VPS11: variants seen among roughly 807,000 people sequenced by gnomAD.
VPS11 encodes VPS11 core subunit of CORVET and HOPS complexes.
A neutral mutation model predicts 106.8 loss-of-function variants in VPS11; 51 were observed. The observed-to-expected ratio is 0.48, with a 90% CI of 0.38 to 0.60. The LOEUF is 0.60. Among genes scored for constraint, VPS11 ranks in the 20% least tolerant of loss-of-function variants. The pLI is 0.00. For missense variants in VPS11, 950 were observed against 1,190.0 expected, an observed-to-expected ratio of 0.80 and a Z score of 2.97; for synonymous variants, 453 against 458.7, an observed-to-expected ratio of 0.99 and a Z score of 0.16.
chr11:119,069,340 C>G lies in VPS11; in HGVS notation c.332C>G (p.Pro111Arg), dbSNP rs1945280863. ...SVGEDEEGIN[P>R]LVKIWNLEKR... ...GGAGAAGATGAAGAGGGCATCAACC[C>G]CTTGGTGAGTCCCAGCAGGGAAATG... Residue 111 changes from proline (P) to arginine (R), a missense_variant, in exon 2 of 16, where the codon CCC becomes CGC. By Grantham distance (103) the Pro-to-Arg change is moderately radical (BLOSUM62 -2). Transcript: ENST00000621676. 3.7e-6 allele frequency: 6 copies of G among 1,613,824 alleles called. No homozygotes were observed. The highest frequency in any genetic ancestry group is 4.2e-6 in the Non-Finnish European group (5 of 1,179,894).
chr11:119,075,542 TAAAAA>T (rs1555202802), intron 7 of VPS11, among the ~76,000 whole-genome samples: 2 of 111,632 alleles, frequency 1.8e-5, no homozygotes, highest in East Asian at 2.6e-4. Flanking sequence ...CTGTCTCCAC[TAAAAA>T]AAAAAAAAAA....
rs11558589 is a variant in VPS11, at chr11:119,079,170, G to A, written c.2308G>A (p.Val770Ile). The A allele has an allele frequency of 0.02, 31,587 of 1,613,802 alleles. 353 individuals carry two copies. The highest frequency in any genetic ancestry group is 0.025 in the South Asian group (2,240 of 91,036). Residue 770 changes from valine to isoleucine, a missense_variant, in exon 14 of 16, where the codon GTC becomes ATC. By Grantham distance (29) the Val-to-Ile change is conservative. Transcript: ENST00000621676. Reference sequence around the variant, plus strand: ...CCACAACTCCACAGCCACACTCTCCGTCATCAGGGACTACCTGGTCCAAAA... The same window carrying A: ...CCACAACTCCACAGCCACACTCTCCATCATCAGGGACTACCTGGTCCAAAA... Reference protein sequence around the residue: ...LAHNSTATLSVIRDYLVQKLQ... With the variant: ...LAHNSTATLSIIRDYLVQKLQ...
Position 119,078,665 on chromosome 11 carries a change from T to C in VPS11, c.2024T>C (p.Phe675Ser). The C allele has an allele frequency of 6.2e-7, 1 of 1,613,470 alleles. No individual in the cohort carries two copies. Among genetic ancestry groups the C allele is most frequent in the South Asian group, 1.1e-5 (1 of 91,016 alleles). The change falls in exon 12 of 16, where the codon TTC (phenylalanine) becomes TCC (serine). Residue 675 changes from phenylalanine (F) to serine (S), a missense_variant. Transcript: ENST00000621676. ...KALVLCQMHDFQDGVLYLYEQ... is the reference protein window; with the variant it reads ...KALVLCQMHDSQDGVLYLYEQ... ...CTGGTCCTGTGCCAGATGCACGACT[T>C]CCAGGATGGTGTCCTTTACCTTTAT...
chr11:119,076,690 G>C, intron 7 of VPS11: 3 of 568,230 alleles, frequency 5.3e-6, no homozygotes, highest in South Asian at 5.2e-5. Context: ...AAGAAGCAGT[G>C]CTCTGGAGCC....
At chr11:119,076,822 T>C in intron 7 of VPS11, 75 bp from the exon 8 acceptor site, 4 of 1,536,248 alleles carry the variant, frequency 2.6e-6, no homozygotes, top group Middle Eastern at 1.7e-4. Context: ...TGAGAAGATC[T>C]GCAAGTGATT....
chr11:119,076,433 G>A (rs1212084980), intron 7 of VPS11, among the ~76,000 whole-genome samples: 2 of 151,582 alleles, frequency 1.3e-5, no homozygotes, highest in Non-Finnish European at 2.9e-5. Context: ...GGCTGAGGCA[G>A]AAGAATCGCT....
intron 12 of VPS11, 32 bp from the exon 13 acceptor site, chr11:119,078,763 G>A: frequency 6.2e-7 from 1 of 1,609,884 alleles, no homozygotes; most frequent in Non-Finnish European, 8.5e-7. Flanking sequence ...TCCAGAGACA[G>A]CCACTGAGGT....
intron 11 of VPS11, 95 bp from the exon 12 acceptor site, chr11:119,078,470 G>A (rs1945720970): frequency 6.3e-7 from 1 of 1,577,128 alleles, no homozygotes; most frequent in African/African-American, 1.3e-5. Context: ...CTGTGAAGAG[G>A]GAATGGACTG....
At chr11:119,075,459 C>T (rs1168057348) in intron 7 of VPS11, among the ~76,000 whole-genome samples, 2 of 149,928 alleles carry the variant, frequency 1.3e-5, no homozygotes, top group Admixed American at 6.7e-5. Flanking sequence ...AATCCCAGCA[C>T]TTTGGGAGGC....
chr11:119,078,215 C>G lies in VPS11; in HGVS notation c.1804C>G (p.Arg602Gly). The G allele has an allele frequency of 6.2e-7, 1 of 1,613,702 alleles. No homozygotes were observed. Among genetic ancestry groups the G allele is most frequent in the South Asian group, 1.1e-5 (1 of 91,080 alleles). The change falls in exon 11 of 16, where the codon CGA (arginine) becomes GGA (glycine). Residue 602 changes from arginine to glycine, a missense_variant. Around this residue, in one of 3 missense-constraint regions of VPS11, gnomAD observed 453 missense variants for 514.6 expected, o/e 0.88. Coordinates refer to ENST00000621676, the MANE Select transcript of VPS11 (RefSeq NM_021729.6). ...CATCCCCATCTTTGCCAATAACCCG[C>G]GAGAGCTGAAAGCCTTCCTAGAGCA... ...EFIPIFANNP[R>G]ELKAFLEHMS...
At position 119,081,825 on chromosome 11, in the gene VPS11, T is replaced by C. The variant is rs1945862969; in HGVS notation, c.*202T>C. 1 of 700,198 alleles carries C rather than the reference T, an allele frequency of 1.4e-6. No individual in the cohort carries two copies. The highest frequency in any genetic ancestry group is 1.8e-5 in the African/African-American group (1 of 55,672). 43.4% of individuals were successfully genotyped at this position (700,198 alleles called of 1,614,324 possible). A position where few individuals can be genotyped will look rare whatever the true frequency, so the allele number is the denominator to read the frequency against. On this transcript the variant is annotated 3_prime_UTR_variant, in exon 16 of 16. Transcript: ENST00000621676. ...TGCCATCCCTCCTCTTCACTAGCAG[T>C]GTAGATCATTCCAGATCAGTGGGGG...
rs782413008 is a variant in VPS11, at chr11:119,081,591, G to A, written c.2794G>A (p.Asp932Asn). ...CAGCCTGGAGGCTGGGCTGCAACGC[G>A]ACCTACTCATGCACTCCAGGAGGGG... ...TSSLEAGLQR[D>N]LLMHSRRGT Residue 932 changes from aspartate (D) to asparagine (N), a missense_variant, in exon 16 of 16, where the codon GAC (aspartate) becomes AAC (asparagine). Transcript: ENST00000621676. The A allele has an allele frequency of 4.3e-6, 7 of 1,613,872 alleles. No individual in the cohort carries two copies. The highest frequency in any genetic ancestry group is 5.9e-6 in the Non-Finnish European group (7 of 1,179,888).
At chr11:119,071,894 A>C in intron 5 of VPS11, 51 bp downstream of exon 5, 1 of 1,577,968 alleles carries the variant, frequency 6.3e-7, no homozygotes, top group Non-Finnish European at 8.6e-7. Context: ...TGTTCCCCAG[A>C]ATCCGCCTGA....
intron 3 of VPS11, among the ~76,000 whole-genome samples, 164 bp downstream of exon 3, chr11:119,069,741 G>A (rs570185531): frequency 1.8e-4 from 27 of 152,254 alleles, no homozygotes; most frequent in Non-Finnish European, 2.9e-4. Flanking sequence ...GCTCATGCCT[G>A]TAATCCCAGC....
In VPS11 at chr11:119,079,314, G is replaced by A; in HGVS notation, c.2438+14G>A. The A allele has an allele frequency of 1.9e-6, 3 of 1,574,344 alleles. No individual in the cohort carries two copies. The highest frequency in any genetic ancestry group is 1.7e-6 in the Non-Finnish European group (2 of 1,161,174). On this transcript the variant is annotated intron_variant, in intron 14 of 15. Coordinates refer to ENST00000621676, the MANE Select transcript of VPS11 (RefSeq NM_021729.6). ...GCTCAAGGCCAGGTACCCGGGGCAT[G>A]GATATGTGGAGGAGTCCAGGGGATA...
intron 6 of VPS11, 143 bp from the exon 7 acceptor site, chr11:119,073,657 G>C: frequency 1.0e-6 from 1 of 962,786 alleles, no homozygotes; most frequent in East Asian, 2.6e-5. Context: ...TGATCTTGGG[G>C]ATATCTGGTA....
At position 119,070,361 on chromosome 11, in the gene VPS11, C is replaced by G. The variant is rs946988820; in HGVS notation, c.600C>G (p.Thr200=). 1 of 1,613,266 alleles carries G rather than the reference C, an allele frequency of 6.2e-7. No individual in the cohort carries two copies. The highest frequency in any genetic ancestry group is 1.7e-5 in the Admixed American group (1 of 59,946). Residue 200 remains threonine, a synonymous_variant, in exon 4 of 16, where the codon ACC becomes ACG. Transcript: ENST00000621676. ...TGGCCTTTCGCCAAGCAGGAAAGAC[C>G]ACTCACTTGTTTGTTGTGACAACAG... ...TGLAFRQAGK[T]THLFVVTTEN...
intron 5 of VPS11, chr11:119,072,481 C>T (rs1247116653): frequency 6.5e-6 from 1 of 153,986 alleles, no homozygotes; most frequent in African/African-American, 2.4e-5. Flanking sequence ...AGCTCCGCCT[C>T]CCGGGTTCAC....
chr11:119,075,800 G>A (rs1945589176), intron 7 of VPS11, among the ~76,000 whole-genome samples: 1 of 152,204 alleles, frequency 6.6e-6, no homozygotes, highest in East Asian at 1.9e-4. Flanking sequence ...CACTCGCAAA[G>A]CTGAGGCAGG....
Sources: gnomAD v4.1 joint callset for allele counts (sites outside exome capture counted in the v4.1 genomes callset) on GRCh38, gnomAD v4.1.1 for gene constraint, gnomAD v4.1.1 regional missense constraint, MANE v1.5 for transcripts, NCBI Gene and HGNC (gene_info 2026-07-23, HGNC 2026-07-21) for gene names.